ADGRB3: variants seen among roughly 807,000 people sequenced by gnomAD.
The protein encoded by ADGRB3 is adhesion G protein-coupled receptor B3.
In ADGRB3, 37 loss-of-function variants were observed where a neutral mutation model predicts 193.4. The ratio of observed to expected loss-of-function variants is 0.19; its 90% CI spans 0.15 to 0.25. The LOEUF is 0.25. Among genes scored for constraint, ADGRB3 ranks in the 10% least tolerant of loss-of-function variants. ADGRB3 has a pLI of 1.00. For synonymous variants in ADGRB3, 690 were observed against 644.2 expected, an observed-to-expected ratio of 1.07 and a Z score of -1.08; for missense variants, 1,637 against 1,852.9, an observed-to-expected ratio of 0.88 and a Z score of 2.14.
At chr6:68,671,685 A>T (rs1462509419) in intron 3 of ADGRB3, among the ~76,000 whole-genome samples, 1 of 152,018 alleles carries the variant, frequency 6.6e-6, no homozygotes, top group Non-Finnish European at 1.5e-5. Flanking sequence ...TTTTTCCATC[A>T]ATAGTCATCA....
At chr6:68,913,344 A>T (rs537341909) in intron 3 of ADGRB3, among the ~76,000 whole-genome samples, 58 of 152,294 alleles carry the variant, frequency 3.8e-4, no homozygotes, top group African/African-American at 1.3e-3. Flanking sequence ...CTCTGAGACA[A>T]AACTTCCAGA....
chr6:69,029,773 AC>A (rs1291254130), intron 13 of ADGRB3, among the ~76,000 whole-genome samples: 2 of 152,112 alleles, frequency 1.3e-5, no homozygotes, highest in East Asian at 3.8e-4. Context: ...GAAAACCATA[AC>A]TTCAAAAATT....
At chr6:69,163,885 C>A (rs1280582503) in intron 17 of ADGRB3, among the ~76,000 whole-genome samples, 2 of 152,062 alleles carry the variant, frequency 1.3e-5, no homozygotes, top group Non-Finnish European at 2.9e-5. Flanking sequence ...TCAGGTATTG[C>A]ATTATTTAAA....
chr6:68,835,872 G>T lies in ADGRB3; in HGVS notation c.758-94687G>T, dbSNP rs190319108. On this transcript the variant is annotated intron_variant, in intron 3 of 31. Coordinates refer to ENST00000370598, the MANE Select transcript of ADGRB3 (RefSeq NM_001704.3). ...TGTTTAGTGGATTATTTATTTTCCC[G>T]GTCCCAGCAATTTTTTGAAGAACAA... Among the ~76,000 whole-genome samples, 134 of 151,726 alleles carry T rather than the reference G, an allele frequency of 8.8e-4. 1 individual carries two copies. In the South Asian group the frequency reaches 0.019, roughly 22 times the overall value.
intron 3 of ADGRB3, among the ~76,000 whole-genome samples, chr6:68,643,808 CTGTAA>C (rs920998687): frequency 1.4e-4 from 21 of 151,656 alleles, no homozygotes; most frequent in Admixed American, 1.1e-3. Context: ...TGGTGGCAGC[CTGTAA>C]TCCCAGCTAC....
At chr6:68,654,320 GC>G (rs1480913117) in intron 3 of ADGRB3, among the ~76,000 whole-genome samples, 1 of 151,962 alleles carries the variant, frequency 6.6e-6, no homozygotes, top group Non-Finnish European at 1.5e-5. Flanking sequence ...ATGCTGGCAA[GC>G]TTTGTTCTAC....
At chr6:68,989,220 T>C (rs1769164621) in intron 10 of ADGRB3, among the ~76,000 whole-genome samples, 1 of 152,184 alleles carries the variant, frequency 6.6e-6, no homozygotes, top group Non-Finnish European at 1.5e-5. Context: ...GAAATATTTT[T>C]AAAACTATAA....
intron 17 of ADGRB3, among the ~76,000 whole-genome samples, chr6:69,167,891 G>A (rs1257801172): frequency 6.6e-6 from 1 of 152,068 alleles, no homozygotes; most frequent in Non-Finnish European, 1.5e-5. Flanking sequence ...TTTTTAGGCA[G>A]CCTCAATGAG....
chr6:68,873,204 C>A (rs1457810535), intron 3 of ADGRB3, among the ~76,000 whole-genome samples: 4 of 152,092 alleles, frequency 2.6e-5, no homozygotes, highest in African/African-American at 9.7e-5. Context: ...TTCAAGATGT[C>A]TTAAAATAGG....
chr6:69,252,114 C>A (rs1241107354), intron 20 of ADGRB3, among the ~76,000 whole-genome samples: 1 of 152,078 alleles, frequency 6.6e-6, no homozygotes, highest in African/African-American at 2.4e-5. Context: ...ATCGTGAATT[C>A]ATTTTTTCTG....
intron 24 of ADGRB3, among the ~76,000 whole-genome samples, chr6:69,337,833 C>A: frequency 6.6e-6 from 1 of 152,138 alleles, no homozygotes; most frequent in Non-Finnish European, 1.5e-5. Flanking sequence ...GAGCATCTTA[C>A]AACTTTCTCT....
At chr6:68,674,544 A>G (rs1769040966) in intron 3 of ADGRB3, among the ~76,000 whole-genome samples, 1 of 152,216 alleles carries the variant, frequency 6.6e-6, no homozygotes, top group African/African-American at 2.4e-5. Context: ...TAGAAGAACT[A>G]GAATTTAATC....
At chr6:69,089,312 C>G (rs1772640442) in intron 17 of ADGRB3, among the ~76,000 whole-genome samples, 2 of 152,132 alleles carry the variant, frequency 1.3e-5, no homozygotes, top group Admixed American at 1.3e-4. Flanking sequence ...ACTTTGAACA[C>G]AGGCATAATT....
At chr6:68,995,808 G>C (rs2150276173) in intron 11 of ADGRB3, among the ~76,000 whole-genome samples, 1 of 152,160 alleles carries the variant, frequency 6.6e-6, no homozygotes, top group South Asian at 2.1e-4. Context: ...CATAATTCTA[G>C]CTCAACTCTG....
intron 16 of ADGRB3, among the ~76,000 whole-genome samples, chr6:69,065,160 A>G (rs1377569407): frequency 1.3e-5 from 2 of 152,184 alleles, no homozygotes; most frequent in African/African-American, 2.4e-5. Flanking sequence ...CCACGAGAAT[A>G]TATCTCCACT....
intron 31 of ADGRB3, among the ~76,000 whole-genome samples, chr6:69,387,510 C>T (rs1770100343): frequency 6.6e-6 from 1 of 152,064 alleles, no homozygotes; most frequent in Non-Finnish European, 1.5e-5. Flanking sequence ...GTGCTGAAAA[C>T]ATCTAATGCA....
intron 17 of ADGRB3, among the ~76,000 whole-genome samples, chr6:69,080,239 G>A (rs1772348839): frequency 6.6e-6 from 1 of 151,900 alleles, no homozygotes; most frequent in African/African-American, 2.4e-5. Context: ...TCTTTGCTCT[G>A]TGAATGATTG....
intron 11 of ADGRB3, among the ~76,000 whole-genome samples, chr6:68,999,583 T>A (rs1172992806): frequency 6.6e-6 from 1 of 152,164 alleles, no homozygotes; most frequent in Admixed American, 6.5e-5. Context: ...TTTTCTCATC[T>A]GACTTATGTT....
At chr6:69,101,462 A>G (rs1773054370) in intron 17 of ADGRB3, among the ~76,000 whole-genome samples, 3 of 43,570 alleles carry the variant, frequency 6.9e-5, no homozygotes, top group Admixed American at 2.1e-4. Context: ...GTGTGTGTGT[A>G]CTGCAGAACA....
Sources: allele counts gnomAD v4.1 joint callset (sites outside exome capture counted in the v4.1 genomes callset), GRCh38; gene constraint gnomAD v4.1.1; transcripts MANE v1.5; gene names NCBI Gene and HGNC (gene_info 2026-07-23, HGNC 2026-07-21).